OR52N2: variants seen among roughly 807,000 people sequenced by gnomAD.
The protein encoded by OR52N2 is olfactory receptor 52N2.
For synonymous variants in OR52N2, 129 were observed against 72.0 expected (o/e 1.79, Z -4.01); for missense variants, 326 against 196.6 (o/e 1.66, Z -3.94).
chr11:5,811,803 A>G (rs1277534308), intron 1 of OR52N2, among the ~76,000 whole-genome samples: 1 of 152,192 alleles, frequency 6.6e-6, no homozygotes. Context: ...AGAAGACCCA[A>G]CTATTTGCTG....
At chr11:5,809,545 C>G (rs1207887443) in intron 1 of OR52N2, among the ~76,000 whole-genome samples, 1 of 151,054 alleles carries the variant, frequency 6.6e-6, no homozygotes, top group Non-Finnish European at 1.5e-5. Context: ...TTTACAGTAA[C>G]TAAGGAAAAG....
At chr11:5,815,702 T>C (rs1846398562) in intron 1 of OR52N2, among the ~76,000 whole-genome samples, 1 of 152,132 alleles carries the variant, frequency 6.6e-6, no homozygotes, top group African/African-American at 2.4e-5. Flanking sequence ...AAATAGCATA[T>C]GATTCAGCAA....
At chr11:5,819,440 T>C (rs1846428667) in intron 1 of OR52N2, among the ~76,000 whole-genome samples, 1 of 152,194 alleles carries the variant, frequency 6.6e-6, no homozygotes, top group African/African-American at 2.4e-5. Flanking sequence ...TTTTTGAGTG[T>C]AAATTTAGTA....
At chr11:5,817,332 C>T (rs562069597) in intron 1 of OR52N2, among the ~76,000 whole-genome samples, 1 of 151,748 alleles carries the variant, frequency 6.6e-6, no homozygotes, top group African/African-American at 2.4e-5. Context: ...CAATTACTTT[C>T]CACTATAATA....
chr11:5,815,935 G>GTATA (rs71468070), intron 1 of OR52N2, among the ~76,000 whole-genome samples: 32 of 150,830 alleles, frequency 2.1e-4, no homozygotes, highest in South Asian at 8.4e-4. Flanking sequence ...CATTATATAT[G>GTATA]TATATATATA....
intron 1 of OR52N2, among the ~76,000 whole-genome samples, chr11:5,816,545 C>CTTTTTTTTT (rs1464421774): frequency 2.7e-5 from 4 of 150,586 alleles, no homozygotes; most frequent in Admixed American, 6.6e-5. Context: ...TGATCTAAAT[C>CTTTTTTTTT]TTCTTTTTTT....
At position 5,820,328 on chromosome 11, in the gene OR52N2, C is replaced by T. The variant is rs773737293; in HGVS notation, c.-8C>T. On this transcript the variant is annotated 5_prime_UTR_variant, in exon 2 of 2. The change creates a premature stop within an existing upstream ORF in the 5' untranslated region. Transcript: ENST00000317037. ...AGAGTATAAAATGCTCTCCTCCTGT[C>T]AGCCATCATGTCTGGGGACAACAGC... 1 of 779,876 alleles carries T rather than the reference C, an allele frequency of 1.3e-6. No individual in the cohort carries two copies. Among genetic ancestry groups the T allele is most frequent in the African/African-American group, 1.7e-5 (1 of 59,200 alleles). The allele number at this position is 779,876 out of a possible 1,614,324, so 48.3% of individuals were successfully genotyped here. A position where few individuals can be genotyped will look rare whatever the true frequency, so the allele number is the denominator to read the frequency against.
At chr11:5,809,713 C>T (rs1846340411) in intron 1 of OR52N2, among the ~76,000 whole-genome samples, 1 of 150,598 alleles carries the variant, frequency 6.6e-6, no homozygotes, top group African/African-American at 2.4e-5. Flanking sequence ...AAAATGATTA[C>T]CATTGCCCAA....
At chr11:5,812,329 C>A (rs1846368713) in intron 1 of OR52N2, among the ~76,000 whole-genome samples, 1 of 133,382 alleles carries the variant, frequency 7.5e-6, no homozygotes, top group African/African-American at 2.8e-5. Flanking sequence ...CCTGTATCTA[C>A]TAAAAAATAC....
At position 5,821,269 on chromosome 11, in the gene OR52N2, G is replaced by C. The variant is rs1846452188; in HGVS notation, c.934G>C (p.Gly312Arg). ...IQEGVIKFLL[G>R]DKVSFTYDK ...GGAAGGTGTAATTAAATTTTTACTT[G>C]GAGACAAGGTTAGTTTTACCTATGA... The change falls in exon 2 of 2, where the codon GGA (glycine) becomes CGA (arginine). Residue 312 changes from glycine to arginine, a missense_variant. Transcript: ENST00000317037. The C allele has an allele frequency of 1.3e-6, 1 of 780,118 alleles. No individual in the cohort carries two copies. The highest frequency in any genetic ancestry group is 1.7e-5 in the African/African-American group (1 of 59,086). 48.3% of individuals were successfully genotyped at this position (780,118 alleles called of 1,614,324 possible).
At chr11:5,812,494 C>CAAAAAAAA (rs57515736) in intron 1 of OR52N2, among the ~76,000 whole-genome samples, 4 of 104,076 alleles carry the variant, frequency 3.8e-5, no homozygotes, top group African/African-American at 4.1e-5. Context: ...GACTCCATCT[C>CAAAAAAAA]AAAAAAAAAA....
intron 1 of OR52N2, among the ~76,000 whole-genome samples, chr11:5,809,436 G>A (rs12419943): frequency 0.3 from 44,952 of 151,926 alleles, 7,212 homozygotes; most frequent in African/African-American, 0.43. Flanking sequence ...ACAGTGGTGA[G>A]GCATGTGAGA....
At chr11:5,811,590 A>C (rs1049671041) in intron 1 of OR52N2, among the ~76,000 whole-genome samples, 2 of 152,080 alleles carry the variant, frequency 1.3e-5, no homozygotes, top group Non-Finnish European at 2.9e-5. Context: ...ATAGAAAGTA[A>C]AGAACGAAAG....
intron 1 of OR52N2, among the ~76,000 whole-genome samples, chr11:5,811,280 C>T (rs1846359193): frequency 9.8e-6 from 1 of 102,160 alleles, no homozygotes; most frequent in Non-Finnish European, 2.4e-5. Context: ...CATAGTGAAA[C>T]TCTGAATAAT....
In OR52N2 at chr11:5,821,251, G is replaced by A. The variant is rs144512189; in HGVS notation, c.916G>A (p.Val306Ile). The change falls in exon 2 of 2, where the codon GTA becomes ATA. Residue 306 changes from valine (V) to isoleucine (I), a missense_variant. Val to Ile is a conservative substitution (Grantham distance 29, BLOSUM62 3). Coordinates refer to ENST00000317037, the MANE Select transcript of OR52N2 (RefSeq NM_001005174.3). ...GVKTKQIQEGVIKFLLGDKVS... is the reference protein window; with the variant it reads ...GVKTKQIQEGIIKFLLGDKVS... ...CAAGACCAAGCAGATTCAGGAAGGTGTAATTAAATTTTTACTTGGAGACAA... is the reference window on the plus strand; with the variant it reads ...CAAGACCAAGCAGATTCAGGAAGGTATAATTAAATTTTTACTTGGAGACAA... The A allele has an allele frequency of 3.8e-6, 3 of 780,716 alleles. No homozygotes were observed. The highest frequency in any genetic ancestry group is 3.4e-5 in the African/African-American group (2 of 59,230). The allele number at this position is 780,716 out of a possible 1,614,324, so 48.4% of individuals were successfully genotyped here. A position where few individuals can be genotyped will look rare whatever the true frequency, so the allele number is the denominator to read the frequency against.
chr11:5,812,397 A>C (rs1846369736), intron 1 of OR52N2, among the ~76,000 whole-genome samples: 1 of 147,264 alleles, frequency 6.8e-6, no homozygotes, highest in Admixed American at 6.9e-5. Context: ...CAGGAGGCTG[A>C]GGCAGGAGAA....
intron 1 of OR52N2, among the ~76,000 whole-genome samples, chr11:5,812,066 C>A (rs1281528419): frequency 6.6e-6 from 1 of 152,008 alleles, no homozygotes; most frequent in Admixed American, 6.6e-5. Context: ...CACACCAAGG[C>A]CTGTTGGGGG....
intron 1 of OR52N2, among the ~76,000 whole-genome samples, chr11:5,814,715 A>C (rs983154842): frequency 2.6e-5 from 4 of 152,214 alleles, no homozygotes; most frequent in Admixed American, 1.3e-4. Flanking sequence ...CAGAAATAGA[A>C]AAATCCATTC....
At chr11:5,820,114 GTAC>G (rs537410166) in intron 1 of OR52N2, among the ~76,000 whole-genome samples, 165 bp from the exon 2 acceptor site, 47 of 152,312 alleles carry the variant, frequency 3.1e-4, no homozygotes, top group African/African-American at 1.1e-3. Context: ...TGGTAAGACT[GTAC>G]TGCTTAGTGA....
Sources: gnomAD v4.1 joint callset for allele counts (sites outside exome capture counted in the v4.1 genomes callset) on GRCh38, gnomAD v4.1.1 for gene constraint, MANE v1.5 for transcripts, NCBI Gene and HGNC (gene_info 2026-07-23, HGNC 2026-07-21) for gene names.